Variants in TCEAL4 observed in about 807,000 individuals in gnomAD.
TCEAL4 encodes transcription elongation factor A like 4.
In TCEAL4, 1 loss-of-function variant was observed where a neutral mutation model predicts 1.3. The ratio of observed to expected loss-of-function variants is 0.79; its 90% CI spans 0.28 to 3.76. The LOEUF (loss-of-function observed/expected upper bound fraction) is 3.76, where lower values mean the gene tolerates loss of function less well. Ranked by LOEUF, TCEAL4 falls within the 30% of genes most tolerant of loss-of-function variation. TCEAL4 has a pLI of 0.18. For missense variants in TCEAL4, 129 were observed against 154.7 expected, an observed-to-expected ratio of 0.83 and a Z score of 0.88; for synonymous variants, 54 against 50.7, an observed-to-expected ratio of 1.06 and a Z score of -0.28.
In TCEAL4 at chrX:103,587,421, T is replaced by C. The variant is rs2073568170; in HGVS notation, c.*98T>C. 1 of 930,874 alleles carries C rather than the reference T, an allele frequency of 1.1e-6. No individual in the cohort carries two copies. The highest frequency in any genetic ancestry group is 3.4e-5 in the South Asian group (1 of 29,541). The allele number at this position is 930,874 out of a possible 1,213,427, so 76.7% of individuals were successfully genotyped here. On this transcript the variant is annotated 3_prime_UTR_variant, in exon 3 of 3. Transcript: ENST00000472484. ...GTTGCTAGCAGCCTTTTGACCTATC[T>C]GCAATGCAGTGTTCTCAGTAGGAAA...
At chrX:103,583,319 C>T (rs771153931), upstream of TCEAL4, among the ~76,000 whole-genome samples, 1 of 112,005 alleles carries the variant, frequency 8.9e-6, no homozygotes, top group South Asian at 3.8e-4. Context: ...CCTCAAAGAC[C>T]TGGAACCAGA....
At chrX:103,586,405 AC>A (rs1430159735) in intron 2 of TCEAL4, 114 bp downstream of exon 2, 1 of 969,985 alleles carries the variant, frequency 1.0e-6, no homozygotes, top group East Asian at 3.4e-5. Flanking sequence ...ATGAACACAC[AC>A]CTTACCAGGC....
At chrX:103,583,961 T>A, upstream of TCEAL4, among the ~76,000 whole-genome samples, 1 of 111,747 alleles carries the variant, frequency 8.9e-6, no homozygotes, top group East Asian at 2.8e-4. Flanking sequence ...GAAGTCTCAC[T>A]CTGTCGCCCA....
chrX:103,580,745 T>C (rs1192468598), upstream of TCEAL4, among the ~76,000 whole-genome samples: 2 of 111,865 alleles, frequency 1.8e-5, no homozygotes, highest in Admixed American at 9.5e-5. Context: ...ATAAGACTAC[T>C]TTAGCACTGT....
intron 1 of TCEAL4, chrX:103,585,961 C>T (rs1240316259): frequency 2.8e-6 from 3 of 1,076,843 alleles, no homozygotes; most frequent in African/African-American, 1.9e-5. Context: ...CTGCCGTTCC[C>T]GTGCGTAGAG....
At chrX:103,583,754 T>C (rs375831611), upstream of TCEAL4, among the ~76,000 whole-genome samples, 2 of 111,184 alleles carry the variant, frequency 1.8e-5, no homozygotes, top group Admixed American at 1.9e-4. Flanking sequence ...CTGCCAGGCT[T>C]AATACCTGGG....
rs748556604 is a variant in TCEAL4 at position 103,587,572 on chromosome X, T to G, written c.*249T>G. On this transcript the variant is annotated 3_prime_UTR_variant, in exon 3 of 3. Coordinates refer to ENST00000472484, the MANE Select transcript of TCEAL4 (RefSeq NM_001006935.3). ...CTACAAAGATACTTACCTAGTAATA[T>G]AGTATAGAAAACAATTCTGAAAGCT... is the stretch of plus-strand genomic sequence containing the variant. 5 of 296,959 alleles carry G rather than the reference T, an allele frequency of 1.7e-5. No homozygotes were observed. Among genetic ancestry groups the G allele is most frequent in the Non-Finnish European group, 3.0e-5 (5 of 165,637 alleles). The allele number at this position is 296,959 out of a possible 1,213,427, so 24.5% of individuals were successfully genotyped here.
chrX:103,578,847 C>G (rs755820386), intron 2 of TCEAL4, among the ~76,000 whole-genome samples: 5 of 111,558 alleles, frequency 4.5e-5, no homozygotes, highest in Non-Finnish European at 9.4e-5. Context: ...TTGATGGAGC[C>G]TCATTTATCT....
chrX:103,579,074 C>T (rs1018179295), intron 2 of TCEAL4, among the ~76,000 whole-genome samples: 16 of 112,003 alleles, frequency 1.4e-4, no homozygotes, highest in African/African-American at 5.2e-4. Context: ...TGTCTCAGCA[C>T]CATTTGTTAA....
intron 2 of TCEAL4, among the ~76,000 whole-genome samples, chrX:103,580,426 T>C (rs1292635417): frequency 2.7e-5 from 3 of 111,751 alleles, no homozygotes; most frequent in African/African-American, 9.8e-5. Flanking sequence ...AGAATAAGTG[T>C]TCAATAAATA....
Position 103,586,644 on chromosome X carries a change from C to T in TCEAL4, c.-27-5C>T, listed in dbSNP as rs368081043. The stretch of plus-strand genomic sequence containing the variant: ...TCTCCTCTTTCCTCCACCCCCATCC[C>T]CCAGGACAGGAAAAGGAGGGGAAAT... On this transcript the variant is annotated splice_region_variant and splice_polypyrimidine_tract_variant and intron_variant, in intron 2 of 2. Coordinates refer to ENST00000472484, the MANE Select transcript of TCEAL4 (RefSeq NM_001006935.3). 9 of 1,203,542 alleles carry T rather than the reference C, an allele frequency of 7.5e-6. No individual in the cohort carries two copies. The highest frequency in any genetic ancestry group is 1.0e-5 in the Non-Finnish European group (9 of 892,646).
chrX:103,582,219 C>A (rs959272319), upstream of TCEAL4, among the ~76,000 whole-genome samples: 3 of 111,257 alleles, frequency 2.7e-5, no homozygotes, highest in Non-Finnish European at 3.8e-5. Context: ...AGGAGAACTA[C>A]AAACCACTAA....
upstream of TCEAL4, among the ~76,000 whole-genome samples, chrX:103,584,451 T>C (rs757320323): frequency 1.4e-4 from 16 of 111,835 alleles, no homozygotes; most frequent in Non-Finnish European, 3.0e-4. Context: ...TAGGCTATAG[T>C]ATGTAGCCTA....
upstream of TCEAL4, among the ~76,000 whole-genome samples, chrX:103,583,697 G>C (rs761677573): frequency 5.4e-3 from 605 of 111,538 alleles, 5 homozygotes; most frequent in Non-Finnish European, 9.6e-3. Flanking sequence ...ACACACAGGG[G>C]CCTGCTGGGG....
At chrX:103,581,384 C>G (rs186733328), upstream of TCEAL4, among the ~76,000 whole-genome samples, 10 of 111,325 alleles carry the variant, frequency 9.0e-5, no homozygotes, top group African/African-American at 3.3e-4. Context: ...CTCCTTAATT[C>G]ATATTAAGAG....
Position 103,587,431 on chromosome X carries a change from T to G in TCEAL4, c.*108T>G. The G allele has an allele frequency of 1.1e-6, 1 of 905,029 alleles. No homozygotes were observed. The highest frequency in any genetic ancestry group is 1.5e-6 in the Non-Finnish European group (1 of 676,892). The allele number at this position is 905,029 out of a possible 1,213,427, so 74.6% of individuals were successfully genotyped here. A position where few individuals can be genotyped will look rare whatever the true frequency, so the allele number is the denominator to read the frequency against. Reference sequence around the variant, plus strand: ...GCCTTTTGACCTATCTGCAATGCAGTGTTCTCAGTAGGAAATGTTCATCTG... The same window carrying G: ...GCCTTTTGACCTATCTGCAATGCAGGGTTCTCAGTAGGAAATGTTCATCTG... On this transcript the variant is annotated 3_prime_UTR_variant, in exon 3 of 3. Coordinates refer to ENST00000472484, the MANE Select transcript of TCEAL4 (RefSeq NM_001006935.3).
chrX:103,586,259 A>G lies in TCEAL4; in HGVS notation c.-60A>G, dbSNP rs2147622992. ...GTTCCCAGCGCTCTGCGAAGCCTGAAAAGGAGGAGCAACCTGTCCAGAATC... is the reference window on the plus strand; with the variant it reads ...GTTCCCAGCGCTCTGCGAAGCCTGAGAAGGAGGAGCAACCTGTCCAGAATC... On this transcript the variant is annotated 5_prime_UTR_variant, in exon 2 of 3. Transcript: ENST00000472484. 1 of 1,165,209 alleles carries G rather than the reference A, an allele frequency of 8.6e-7. No homozygotes were observed. Among genetic ancestry groups the G allele is most frequent in the East Asian group, 3.3e-5 (1 of 30,672 alleles).
At chrX:103,584,020 C>T (rs1028772462), upstream of TCEAL4, among the ~76,000 whole-genome samples, 3 of 110,340 alleles carry the variant, frequency 2.7e-5, no homozygotes, top group Non-Finnish European at 5.7e-5. Context: ...CTCTGCCTCT[C>T]GGGTTCAAGC....
At chrX:103,585,387 A>T, upstream of TCEAL4, 1 of 847,662 alleles carries the variant, frequency 1.2e-6, no homozygotes, top group Non-Finnish European at 1.5e-6. Context: ...TAACAAGAAA[A>T]AAAGGACAAA....
Sources: gnomAD v4.1 joint callset for allele counts (sites outside exome capture counted in the v4.1 genomes callset) on GRCh38, gnomAD v4.1.1 for gene constraint, MANE v1.5 for transcripts, NCBI Gene and HGNC (gene_info 2026-07-23, HGNC 2026-07-21) for gene names.